Variants in NCAPH observed in about 807,000 individuals in gnomAD.
NCAPH encodes the protein non-SMC condensin I complex subunit H, also known as condensin complex subunit 2.
A neutral mutation model predicts 85.5 loss-of-function variants in NCAPH; 38 were observed. The observed-to-expected ratio is 0.44, with a 90% CI of 0.34 to 0.58. The LOEUF (loss-of-function observed/expected upper bound fraction) is 0.58, where lower values mean the gene tolerates loss of function less well. Among genes scored for constraint, NCAPH ranks in the 20% least tolerant of loss-of-function variants. NCAPH has a pLI of 0.01. For missense variants in NCAPH, 789 were observed against 916.6 expected, an observed-to-expected ratio of 0.86 and a Z score of 1.80; for synonymous variants, 301 against 335.1, an observed-to-expected ratio of 0.90 and a Z score of 1.11.
At chr2:96,368,582 G>C (rs573239431) in intron 15 of NCAPH, among the ~76,000 whole-genome samples, 1 of 152,204 alleles carries the variant, frequency 6.6e-6, no homozygotes, top group African/African-American at 2.4e-5. Context: ...GCCTGAACCC[G>C]GGAGGTGGAG....
rs2064824172 is a variant in NCAPH at position 96,375,671 on chromosome 2, A to G, written c.*2320A>G. Among the ~76,000 whole-genome samples, 1 of 152,226 alleles carries G rather than the reference A, an allele frequency of 6.6e-6. No homozygotes were observed. The highest frequency in any genetic ancestry group is 2.4e-5 in the African/African-American group (1 of 41,460). On this transcript the variant is annotated 3_prime_UTR_variant, in exon 18 of 18. Coordinates refer to ENST00000240423, the MANE Select transcript of NCAPH (RefSeq NM_015341.5). ...AGACAAATTGACTAAGACAGTGGGT[A>G]TGCAAGATAAGTTTATTTTATATAA...
At chr2:96,348,095 AATCTCACTGTCATATAC>A (rs1396042956) in intron 6 of NCAPH, among the ~76,000 whole-genome samples, 9 of 151,938 alleles carry the variant, frequency 5.9e-5, no homozygotes, top group Non-Finnish European at 1.2e-4. Context: ...AAGAGTTGTG[AATCTCACTGTCATATAC>A]TATAAAAAAT....
At chr2:96,363,404 T>C (rs987324672) in intron 12 of NCAPH, among the ~76,000 whole-genome samples, 2 of 152,204 alleles carry the variant, frequency 1.3e-5, no homozygotes, top group African/African-American at 4.8e-5. Context: ...TTGTGTCATA[T>C]GAAGAACAGT....
chr2:96,355,936 C>A (rs554933700), intron 9 of NCAPH, among the ~76,000 whole-genome samples: 14 of 152,194 alleles, frequency 9.2e-5, no homozygotes, highest in African/African-American at 3.1e-4. Context: ...GCCTGGCCAT[C>A]CTGTCTTCTA....
intron 12 of NCAPH, among the ~76,000 whole-genome samples, chr2:96,362,589 TA>T (rs2064640389): frequency 1.4e-5 from 1 of 71,672 alleles, no homozygotes; most frequent in African/African-American, 4.6e-5. Context: ...GAGATTACAG[TA>T]CACTGCACTC....
At chr2:96,349,169 G>A (rs998864201) in intron 6 of NCAPH, among the ~76,000 whole-genome samples, 1 of 152,114 alleles carries the variant, frequency 6.6e-6, no homozygotes, top group Non-Finnish European at 1.5e-5. Context: ...GGCTGATTTC[G>A]CTAAGCCTGA....
At chr2:96,354,701 A>G (rs2064499542) in intron 9 of NCAPH, among the ~76,000 whole-genome samples, 2 of 152,286 alleles carry the variant, frequency 1.3e-5, no homozygotes, top group Admixed American at 6.5e-5. Context: ...GTGCTGTGTC[A>G]TACACATCAG....
chr2:96,361,764 A>ATACG (rs1360206903), intron 12 of NCAPH, among the ~76,000 whole-genome samples: 1 of 125,806 alleles, frequency 7.9e-6, no homozygotes, highest in African/African-American at 2.8e-5. Context: ...ATATATATAT[A>ATACG]TATACATATA....
At chr2:96,365,402 C>T (rs796947071) in intron 13 of NCAPH, among the ~76,000 whole-genome samples, 12 of 152,082 alleles carry the variant, frequency 7.9e-5, no homozygotes, top group Middle Eastern at 3.4e-3. Context: ...TGTCCCCCCA[C>T]CCCACCCCCT....
intron 12 of NCAPH, among the ~76,000 whole-genome samples, chr2:96,361,786 A>G (rs1250069946): frequency 8.4e-6 from 1 of 118,354 alleles, no homozygotes; most frequent in Non-Finnish European, 1.7e-5. Context: ...ATATATACAC[A>G]TATATATGTA....
chr2:96,341,566 C>T lies in NCAPH; in HGVS notation c.20-76C>T, dbSNP rs1339677498. 3.9e-6 allele frequency: 6 copies of T among 1,533,302 alleles called. No homozygotes were observed. The East Asian group carries it at 1.1e-4, about 29-fold the overall frequency. The allele number at this position is 1,533,302 out of a possible 1,614,324, so 95.0% of individuals were successfully genotyped here. A position where few individuals can be genotyped will look rare whatever the true frequency, so the allele number is the denominator to read the frequency against. On this transcript the variant is annotated intron_variant, in intron 1 of 17. Coordinates refer to ENST00000240423, the MANE Select transcript of NCAPH (RefSeq NM_015341.5). Reference sequence around the variant, plus strand: ...GACAGTGTGTGGTGAACCTCCACCCCTGTGACAGGCTCAAGACTTCTTTGG... The same window carrying T: ...GACAGTGTGTGGTGAACCTCCACCCTTGTGACAGGCTCAAGACTTCTTTGG...
rs777317263 is a variant in NCAPH, at chr2:96,342,144, A to G, written c.363+4A>G. ...TATCAAACTGTCCACTGAAAATGTG[A>G]GTATTTGCTGGTTTATTATTGAAGA... On this transcript the variant is annotated splice_donor_region_variant and intron_variant, in intron 3 of 17. Transcript: ENST00000240423. The G allele has an allele frequency of 1.4e-5, 23 of 1,595,422 alleles. No individual in the cohort carries two copies. Among genetic ancestry groups the G allele is most frequent in the Non-Finnish European group, 2.0e-5 (23 of 1,163,058 alleles).
Position 96,339,830 on chromosome 2 carries a change from G to C in NCAPH, c.20-1812G>C, listed in dbSNP as rs116173502. 8.9e-3 allele frequency among the ~76,000 whole-genome samples: 1,359 copies of C among 152,120 alleles called. 9 individuals are homozygous for C. Among genetic ancestry groups the C allele is most frequent in the Middle Eastern group, 0.027 (8 of 294 alleles). ...TCCCCTAAAAATACTTTCTTCACCT[G>C]GCTTTTAGAATGCCACATTCTCCTG... On this transcript the variant is annotated intron_variant, in intron 1 of 17. Coordinates refer to ENST00000240423, the MANE Select transcript of NCAPH (RefSeq NM_015341.5).
rs749211631 is a variant in NCAPH, at chr2:96,360,573, T to TA, written c.1465-8dup. 22 of 1,611,268 alleles carry TA rather than the reference T, an allele frequency of 1.4e-5. No homozygotes were observed. The highest frequency in any genetic ancestry group is 3.3e-4 in the Middle Eastern group (2 of 6,046). On this transcript the variant is annotated splice_polypyrimidine_tract_variant and intron_variant, in intron 11 of 17. Coordinates refer to ENST00000240423, the MANE Select transcript of NCAPH (RefSeq NM_015341.5). The stretch of plus-strand genomic sequence containing the variant: ...GTTAAAATGCCTAAAACACTTTTTT[T>TA]AAAAAAATTAATAGGCTGCTACTAT...
chr2:96,358,321 C>T (rs1356723233), intron 9 of NCAPH, among the ~76,000 whole-genome samples: 2 of 152,154 alleles, frequency 1.3e-5, no homozygotes, highest in Non-Finnish European at 2.9e-5. Flanking sequence ...TTGGAGCCCT[C>T]ATTTACAGAA....
chr2:96,342,464 G>C (rs2064309208), intron 3 of NCAPH, among the ~76,000 whole-genome samples: 1 of 152,234 alleles, frequency 6.6e-6, no homozygotes, highest in Non-Finnish European at 1.5e-5. Flanking sequence ...GAGAATGGGG[G>C]TAGTGCCTGC....
In NCAPH at chr2:96,346,110, G is replaced by C. The variant is rs900131697; in HGVS notation, c.720+1881G>C. Among the ~76,000 whole-genome samples, 3 of 152,124 alleles carry C rather than the reference G, an allele frequency of 2.0e-5. No individual in the cohort carries two copies. In the East Asian group the frequency reaches 5.8e-4, roughly 29 times the overall value. On this transcript the variant is annotated intron_variant, in intron 6 of 17. Transcript: ENST00000240423. ...AGAATTGCCAGGCTGATGTCCTTGC[G>C]CAGGTGAGAGGTAGGGAATGGACAG... is the stretch of plus-strand genomic sequence containing the variant.
chr2:96,365,848 CA>C, intron 13 of NCAPH, 27 bp from the exon 14 acceptor site: 1 of 1,613,516 alleles, frequency 6.2e-7, no homozygotes. Context: ...CAGCGTCCAC[CA>C]AACTCGAAGA....
intron 8 of NCAPH, 147 bp from the exon 9 acceptor site, chr2:96,354,036 G>C: frequency 1.3e-6 from 1 of 747,788 alleles, no homozygotes; most frequent in Middle Eastern, 3.2e-4. Flanking sequence ...CTTGGCCCAG[G>C]CAGGCAGGGG....
Sources: allele counts gnomAD v4.1 joint callset (sites outside exome capture counted in the v4.1 genomes callset), GRCh38; gene constraint gnomAD v4.1.1; transcripts MANE v1.5; gene names NCBI Gene and HGNC (gene_info 2026-07-23, HGNC 2026-07-21).